The following CHEK1 variants were observed in gnomAD, a reference collection of about 807,000 sequenced individuals.
CHEK1 encodes checkpoint kinase 1.
Under a neutral mutation model 60.2 loss-of-function variants are expected in CHEK1, and 32 were observed. That is an observed-to-expected ratio of 0.53 (90% CI 0.40 to 0.71). CHEK1 has a LOEUF of 0.71. Ranked by LOEUF, CHEK1 falls within the 30% of genes least tolerant of loss-of-function variation. The probability of loss-of-function intolerance (pLI) is 0.00; values close to 1 mark genes in which losing one functional copy is unlikely to be tolerated. For missense variants in CHEK1, 399 were observed against 564.6 expected (o/e 0.71, Z 2.97); for synonymous variants, 179 against 187.2 (o/e 0.96, Z 0.36).
intron 13 of CHEK1, among the ~76,000 whole-genome samples, chr11:125,666,110 GTTTTT>G (rs1033621804): frequency 6.7e-6 from 1 of 148,168 alleles, no homozygotes; most frequent in Non-Finnish European, 1.5e-5. Context: ...TTTTTTTTCT[GTTTTT>G]TTATGTAAGC....
downstream of CHEK1, chr11:125,678,398 T>C (rs1942629131): frequency 7.1e-7 from 1 of 1,405,908 alleles, no homozygotes; most frequent in Admixed American, 2.2e-5. Context: ...ACTCCTAGGT[T>C]TCCTATGGGC....
downstream of CHEK1, chr11:125,678,051 G>T: frequency 6.2e-7 from 1 of 1,614,122 alleles, no homozygotes; most frequent in Non-Finnish European, 8.5e-7. Flanking sequence ...ATGTTCAGTC[G>T]CAGCGGGCTC....
intron 9 of CHEK1, 91 bp from the exon 10 acceptor site, chr11:125,644,000 C>T (rs1941400239): frequency 2.0e-6 from 3 of 1,524,462 alleles, no homozygotes; most frequent in South Asian, 1.2e-5. Context: ...TAACATAATA[C>T]TGTAAGCATG....
At chr11:125,678,998 A>ATATATATATATATATATATATT, downstream of CHEK1, among the ~76,000 whole-genome samples, 1 of 142,676 alleles carries the variant, frequency 7.0e-6, no homozygotes, top group Non-Finnish European at 1.5e-5. Context: ...ATATATATAT[A>ATATATATATATATATATATATT]GACACACACA....
intron 13 of CHEK1, chr11:125,675,828 T>C (rs76744140): frequency 0.053 from 8,216 of 153,752 alleles, 335 homozygotes; most frequent in Non-Finnish European, 0.075. Flanking sequence ...CTCTGCCTTC[T>C]CTTAGGCCTA....
In CHEK1 at chr11:125,653,673, T is replaced by C. The variant is rs1591420970; in HGVS notation, c.1234-73T>C. The stretch of plus-strand genomic sequence containing the variant: ...GTAGTTTTTTGAGAAACTTCTATTC[T>C]GTTCTTCATAGTGGGTTTACTAGTT... On this transcript the variant is annotated intron_variant, in intron 11 of 12. Transcript: ENST00000438015. This position sits in a 1 kb window ranked among gnomAD's most constrained non-coding sequence, Gnocchi z 4.3. 1 of 742,686 alleles carries C rather than the reference T, an allele frequency of 1.3e-6. No individual in the cohort carries two copies. Among genetic ancestry groups the C allele is most frequent in the East Asian group, 2.7e-5 (1 of 36,658 alleles). 46.0% of individuals were successfully genotyped at this position (742,686 alleles called of 1,614,324 possible). A position where few individuals can be genotyped will look rare whatever the true frequency, so the allele number is the denominator to read the frequency against.
At chr11:125,637,371 A>C in intron 7 of CHEK1, 78 bp from the exon 8 acceptor site, 1 of 1,085,478 alleles carries the variant, frequency 9.2e-7, no homozygotes, top group East Asian at 2.5e-5. Context: ...GGCTAACAGA[A>C]AATGTGTTTC....
downstream of CHEK1, among the ~76,000 whole-genome samples, chr11:125,658,685 C>CTTT (rs67342073): frequency 1.4e-4 from 5 of 34,880 alleles, no homozygotes; most frequent in Non-Finnish European, 1.5e-4. Context: ...ATGGCTTTTG[C>CTTT]TTTTTTTTTT....
At chr11:125,678,356 A>C, downstream of CHEK1, 1 of 1,570,342 alleles carries the variant, frequency 6.4e-7, no homozygotes. Flanking sequence ...GATAAAGACT[A>C]TCTTCCTATG....
intron 8 of CHEK1, among the ~76,000 whole-genome samples, chr11:125,639,035 A>G (rs1941181491): frequency 6.6e-6 from 1 of 152,040 alleles, no homozygotes; most frequent in African/African-American, 2.4e-5. Flanking sequence ...CTCCCTCTCT[A>G]GGTCCTTGAT....
rs913928125 is a variant in CHEK1 at position 125,668,192 on chromosome 11, T to G, written c.*28-7736T>G. Among the ~76,000 whole-genome samples, 11 of 152,280 alleles carry G rather than the reference T, an allele frequency of 7.2e-5. 1 individual carries two copies. Among genetic ancestry groups the G allele is most frequent in the Admixed American group, 7.2e-4 (11 of 15,296 alleles). Reference sequence around the variant, plus strand: ...TAACAATGTCTTTTGTAAAAAAAAGTTTTTCCCCTTGCCTGTGTTCAAACC... The same window carrying G: ...TAACAATGTCTTTTGTAAAAAAAAGGTTTTCCCCTTGCCTGTGTTCAAACC... On this transcript the variant is annotated intron_variant, in intron 13 of 13. Transcript: ENST00000428830.
intron 5 of CHEK1, among the ~76,000 whole-genome samples, chr11:125,630,589 G>A (rs1002324142): frequency 6.6e-6 from 1 of 152,078 alleles, no homozygotes; most frequent in Non-Finnish European, 1.5e-5. Context: ...GGGATTATAG[G>A]TGTGAGCCGC....
chr11:125,659,531 C>G (rs1470319594), downstream of CHEK1, among the ~76,000 whole-genome samples: 1 of 151,630 alleles, frequency 6.6e-6, no homozygotes, highest in Non-Finnish European at 1.5e-5. Context: ...TTTTGTTATC[C>G]AGCTCAAATT....
intron 5 of CHEK1, among the ~76,000 whole-genome samples, chr11:125,629,670 G>A (rs9943504): frequency 0.036 from 5,498 of 152,060 alleles, 326 homozygotes; most frequent in African/African-American, 0.12. Flanking sequence ...TACAAGTGCG[G>A]ATCAGGTAGA....
At chr11:125,678,204 G>C, downstream of CHEK1, 1 of 1,614,148 alleles carries the variant, frequency 6.2e-7, no homozygotes, top group Non-Finnish European at 8.5e-7. Context: ...AGCATCAGAA[G>C]GGTTTTCAAG....
chr11:125,638,026 G>A (rs1941139499), intron 8 of CHEK1, among the ~76,000 whole-genome samples: 1 of 152,194 alleles, frequency 6.6e-6, no homozygotes, highest in Non-Finnish European at 1.5e-5. Flanking sequence ...TTAAATATTT[G>A]TTGAGTGAGT....
intron 11 of CHEK1, among the ~76,000 whole-genome samples, chr11:125,651,699 A>AAG (rs1941741552): frequency 6.6e-6 from 1 of 152,090 alleles, no homozygotes; most frequent in African/African-American, 2.4e-5. Flanking sequence ...ATGAACTGTT[A>AAG]TTTTCAAGGC....
chr11:125,664,673 A>T (rs1942069333), intron 13 of CHEK1, among the ~76,000 whole-genome samples: 3 of 152,162 alleles, frequency 2.0e-5, no homozygotes, highest in Admixed American at 2.0e-4. Context: ...AATTCTGGTT[A>T]TTAATCCCTT....
chr11:125,645,499 G>A (rs1941468909), intron 11 of CHEK1, among the ~76,000 whole-genome samples: 1 of 152,118 alleles, frequency 6.6e-6, no homozygotes, highest in Non-Finnish European at 1.5e-5. Flanking sequence ...AAGTGCAAGT[G>A]CAATGCATGA....
Sources: gnomAD v4.1 joint callset for allele counts (sites outside exome capture counted in the v4.1 genomes callset) on GRCh38, gnomAD v4.1.1 for gene constraint, Gnocchi (gnomAD v3.1) non-coding constraint, MANE v1.5 for transcripts, NCBI Gene and HGNC (gene_info 2026-07-23, HGNC 2026-07-21) for gene names.